RRM1: variants seen among roughly 807,000 people sequenced by gnomAD.
The protein encoded by RRM1 is ribonucleotide reductase catalytic subunit M1, also known as ribonucleoside-diphosphate reductase large subunit.
In RRM1, 19 loss-of-function variants were observed where a neutral mutation model predicts 101.5. The observed-to-expected ratio is 0.19, with a 90% CI of 0.13 to 0.27. RRM1 has a LOEUF of 0.27. Ranked by LOEUF, RRM1 falls within the 10% of genes least tolerant of loss-of-function variation. The probability of loss-of-function intolerance (pLI) is 1.00; values close to 1 mark genes in which losing one functional copy is unlikely to be tolerated. For missense variants in RRM1, 500 were observed against 962.9 expected, an observed-to-expected ratio of 0.52 and a Z score of 6.36; for synonymous variants, 298 against 323.4, an observed-to-expected ratio of 0.92 and a Z score of 0.84.
chr11:4,098,236 A>T (rs2094546256), intron 1 of RRM1, among the ~76,000 whole-genome samples: 1 of 152,140 alleles, frequency 6.6e-6, no homozygotes, highest in Non-Finnish European at 1.5e-5. Flanking sequence ...TTTGCACTCT[A>T]ATCTTTCTTT....
chr11:4,127,317 C>G (rs1328306533), intron 14 of RRM1, 61 bp downstream of exon 14: 1 of 1,043,326 alleles, frequency 9.6e-7, no homozygotes, highest in African/African-American at 1.6e-5. Flanking sequence ...GAATGGTGAC[C>G]CCACAAAAGG....
chr11:4,130,087 T>TATATATATATA lies in RRM1; in HGVS notation c.1769+937_1769+938insATATATATATA, dbSNP rs869309117. Among the ~76,000 whole-genome samples, 224 of 61,562 alleles carry TATATATATATA rather than the reference T, an allele frequency of 3.6e-3. 3 individuals are homozygous for TATATATATATA. The highest frequency in any genetic ancestry group is 0.012 in the African/African-American group (154 of 12,754). 40.4% of individuals were successfully genotyped at this position (61,562 alleles called of 152,430 possible). Reference sequence around the variant, plus strand: ...GTATTTATATATATATATATATATATTTTTTTTTTTTTTTTTTCCCCTCAA... The same window carrying TATATATATATA: ...GTATTTATATATATATATATATATATATATATATATATTTTTTTTTTTTTTTTTCCCCTCAA... On this transcript the variant is annotated intron_variant, in intron 15 of 18. Transcript: ENST00000300738.
At chr11:4,115,651 G>T (rs751120259) in intron 7 of RRM1, among the ~76,000 whole-genome samples, 209 of 152,152 alleles carry the variant, frequency 1.4e-3, no homozygotes, top group Non-Finnish European at 2.5e-3. Context: ...CTGCCTCCCG[G>T]GTTCAAGCAA....
chr11:4,133,541 C>G, intron 16 of RRM1, 22 bp from the exon 17 acceptor site: 1 of 1,454,062 alleles, frequency 6.9e-7, no homozygotes, highest in Non-Finnish European at 9.6e-7. Context: ...TTTCTTCATA[C>G]ATTTTCTGCT....
rs148675797 is a variant in RRM1 at position 4,102,938 on chromosome 11, C to G, written c.108+857C>G. 4.8e-3 allele frequency among the ~76,000 whole-genome samples: 725 copies of G among 152,176 alleles called. 6 individuals carry two copies. Among genetic ancestry groups the G allele is most frequent in the Non-Finnish European group, 8.7e-3 (592 of 68,010 alleles). Reference sequence around the variant, plus strand: ...TGTCCTGGACTTCCTCTAATCTTACCCTCTTCAAACTCGTCTTCCACCTGA... The same window carrying G: ...TGTCCTGGACTTCCTCTAATCTTACGCTCTTCAAACTCGTCTTCCACCTGA... On this transcript the variant is annotated intron_variant, in intron 2 of 18. Coordinates refer to ENST00000300738, the MANE Select transcript of RRM1 (RefSeq NM_001033.5).
rs1319718602 is a variant in RRM1 at position 4,115,693 on chromosome 11, A to T, written c.651-2627A>T. Reference sequence around the variant, plus strand: ...TGCCTCAGCCTCCTGAGTAGCTGGGATTACAGGCACGCGCCACCACACCCA... The same window carrying T: ...TGCCTCAGCCTCCTGAGTAGCTGGGTTTACAGGCACGCGCCACCACACCCA... On this transcript the variant is annotated intron_variant, in intron 7 of 18. Transcript: ENST00000300738. 3.3e-5 allele frequency among the ~76,000 whole-genome samples: 5 copies of T among 152,034 alleles called. No homozygotes were observed. The East Asian group carries it at 9.6e-4, about 29-fold the overall frequency.
At position 4,122,162 on chromosome 11, in the gene RRM1, A is replaced by T. The variant is rs769254619; in HGVS notation, c.1060A>T (p.Asn354Tyr). Residue 354 changes from asparagine to tyrosine, a missense_variant, in exon 11 of 19, where the codon AAT becomes TAT. By Grantham distance (143) the Asn-to-Tyr change is moderately radical. This residue lies in a region of RRM1 where 80 missense variants were observed against 170.9 expected (regional missense o/e 0.47). Transcript: ENST00000300738. Reference sequence around the variant, plus strand: ...TTAGGACTGGTCTTTGATGTGTCCAAATGAGTGTCCTGGTCTGGATGAGGT... The same window carrying T: ...TTAGGACTGGTCTTTGATGTGTCCATATGAGTGTCCTGGTCTGGATGAGGT... ...TNQDWSLMCP[N>Y]ECPGLDEVWG... The T allele has an allele frequency of 6.2e-7, 1 of 1,613,618 alleles. No homozygotes were observed. The highest frequency in any genetic ancestry group is 1.3e-5 in the African/African-American group (1 of 74,916).
chr11:4,111,727 T>G, intron 6 of RRM1, 87 bp downstream of exon 6: 2 of 1,305,790 alleles, frequency 1.5e-6, no homozygotes, highest in South Asian at 2.7e-5. Context: ...ATATTCTTGC[T>G]TAGACTCTAG....
At chr11:4,107,187 C>A (rs1182059944) in intron 3 of RRM1, among the ~76,000 whole-genome samples, 2 of 152,170 alleles carry the variant, frequency 1.3e-5, no homozygotes, top group Non-Finnish European at 2.9e-5. Context: ...CCACCGCGCC[C>A]GGCCCAGGAA....
chr11:4,100,159 A>T (rs2094549165), intron 1 of RRM1, among the ~76,000 whole-genome samples: 1 of 152,256 alleles, frequency 6.6e-6, no homozygotes, highest in African/African-American at 2.4e-5. Flanking sequence ...AGTGTAGAAG[A>T]AAAAGCAACT....
At position 4,129,106 on chromosome 11, in the gene RRM1, T is replaced by G. The variant is rs868386141; in HGVS notation, c.1725T>G (p.Pro575=). 1 of 1,605,458 alleles carries G rather than the reference T, an allele frequency of 6.2e-7. No individual in the cohort carries two copies. Among genetic ancestry groups the G allele is most frequent in the Middle Eastern group, 1.7e-4 (1 of 6,036 alleles). ...AGTATGATATGTGGAATGTTACTCC[T>G]ACAGACCTATGGGACTGGAAGGTTC... ...ILQYDMWNVT[P]TDLWDWKVLK... The change falls in exon 15 of 19, where the codon CCT becomes CCG. Residue 575 remains proline, a synonymous_variant. Coordinates refer to ENST00000300738, the MANE Select transcript of RRM1 (RefSeq NM_001033.5).
chr11:4,135,793 G>T (rs1476832565), intron 18 of RRM1, among the ~76,000 whole-genome samples: 5 of 151,406 alleles, frequency 3.3e-5, no homozygotes, highest in African/African-American at 1.2e-4. Context: ...TGGTGATTTT[G>T]GATTATGTTC....
At chr11:4,105,677 T>C in intron 2 of RRM1, 1 of 413,196 alleles carries the variant, frequency 2.4e-6, no homozygotes, top group Admixed American at 3.1e-5. Context: ...GCTTCCCGAG[T>C]AGCTGGGATC....
At chr11:4,134,953 T>C (rs1007101455) in intron 17 of RRM1, 129 bp from the exon 18 acceptor site, 2 of 617,852 alleles carry the variant, frequency 3.2e-6, no homozygotes, top group Non-Finnish European at 5.4e-6. Context: ...TCATATCATA[T>C]GATACTGAAT....
chr11:4,132,442 C>T lies in RRM1; in HGVS notation c.1905+21C>T, dbSNP rs746321133. The T allele has an allele frequency of 1.2e-6, 2 of 1,612,268 alleles. No individual in the cohort carries two copies. The highest frequency in any genetic ancestry group is 3.3e-5 in the Admixed American group (2 of 59,932). ...TTCAGGTGAGCAGTTCACAACCAGC[C>T]TTACAGGGAGATCTTTCAAAAGCCT... On this transcript the variant is annotated intron_variant, in intron 16 of 18. Coordinates refer to ENST00000300738, the MANE Select transcript of RRM1 (RefSeq NM_001033.5). This position sits in a 1 kb window ranked among gnomAD's most constrained non-coding sequence, Gnocchi z 4.1.
intron 7 of RRM1, among the ~76,000 whole-genome samples, chr11:4,117,506 G>A (rs955201682): frequency 4.6e-5 from 7 of 152,148 alleles, no homozygotes; most frequent in African/African-American, 1.7e-4. Context: ...TTTCTGTAAA[G>A]CAATATTGAA....
chr11:4,097,356 C>A (rs1331998803), intron 1 of RRM1, among the ~76,000 whole-genome samples: 1 of 150,650 alleles, frequency 6.6e-6, no homozygotes, highest in Non-Finnish European at 1.5e-5. Flanking sequence ...TTTCTCATTC[C>A]TTCATAGAGC....
chr11:4,105,838 T>C (rs2094557597), intron 2 of RRM1: 5 of 538,908 alleles, frequency 9.3e-6, no homozygotes, highest in Non-Finnish European at 1.3e-5. Context: ...GTGCTGTGAT[T>C]ATGGGTGTGA....
rs556966963 is a variant in RRM1 at position 4,110,215 on chromosome 11, C to T, written c.447+512C>T. Among the ~76,000 whole-genome samples, 406 of 152,112 alleles carry T rather than the reference C, an allele frequency of 2.7e-3. 2 individuals carry two copies. Among genetic ancestry groups the T allele is most frequent in the Non-Finnish European group, 4.2e-3 (287 of 68,020 alleles). ...TTGACTAGGCTGGAGTGCAGTGGCG[C>T]GATCTTGGCTCACTTCAACCTCTGT... On this transcript the variant is annotated intron_variant, in intron 5 of 18. Coordinates refer to ENST00000300738, the MANE Select transcript of RRM1 (RefSeq NM_001033.5).
Sources: gnomAD v4.1 joint callset for allele counts (sites outside exome capture counted in the v4.1 genomes callset) on GRCh38, gnomAD v4.1.1 for gene constraint, gnomAD v4.1.1 regional missense constraint, Gnocchi (gnomAD v3.1) non-coding constraint, MANE v1.5 for transcripts, NCBI Gene and HGNC (gene_info 2026-07-23, HGNC 2026-07-21) for gene names.